The following ARHGAP32 variants were observed in gnomAD, a reference collection of about 807,000 sequenced individuals.
ARHGAP32 encodes rho GTPase-activating protein 32.
Under a neutral mutation model 186.5 loss-of-function variants are expected in ARHGAP32, and 51 were observed. That is an observed-to-expected ratio of 0.27 (90% CI 0.22 to 0.35). ARHGAP32 has a LOEUF of 0.35. Ranked by LOEUF, ARHGAP32 falls within the 10% of genes least tolerant of loss-of-function variation. ARHGAP32 has a pLI of 1.00. For missense variants in ARHGAP32, 2,186 were observed against 2,623.5 expected, an observed-to-expected ratio of 0.83 and a Z score of 3.64; for synonymous variants, 950 against 964.3, an observed-to-expected ratio of 0.99 and a Z score of 0.27.
intron 1 of ARHGAP32, among the ~76,000 whole-genome samples, chr11:129,187,389 G>A (rs1277596780): frequency 6.6e-6 from 1 of 151,314 alleles, no homozygotes; most frequent in Non-Finnish European, 1.5e-5. Context: ...GGGGCATAGT[G>A]GGAGGCTGGT....
At chr11:129,084,675 C>T (rs1941325773) in intron 6 of ARHGAP32, among the ~76,000 whole-genome samples, 2 of 152,080 alleles carry the variant, frequency 1.3e-5, no homozygotes, top group Non-Finnish European at 2.9e-5. Context: ...GAAAGAGCAT[C>T]TACAAAAAAC....
chr11:129,211,540 C>T (rs541925760), intron 1 of ARHGAP32, among the ~76,000 whole-genome samples: 1 of 152,198 alleles, frequency 6.6e-6, no homozygotes, highest in South Asian at 2.1e-4. Flanking sequence ...TCTATGCAAG[C>T]CGAAAGTCAG....
At chr11:129,078,652 G>A (rs754389053) in intron 6 of ARHGAP32, among the ~76,000 whole-genome samples, 4 of 151,870 alleles carry the variant, frequency 2.6e-5, no homozygotes, top group Admixed American at 6.6e-5. Context: ...ACCACCACGC[G>A]TGGCTAACTT....
At chr11:129,164,620 C>T (rs988655922) in intron 1 of ARHGAP32, among the ~76,000 whole-genome samples, 193 bp from the exon 2 acceptor site, 2 of 152,142 alleles carry the variant, frequency 1.3e-5, no homozygotes, top group African/African-American at 4.8e-5. Context: ...CAAACACCTG[C>T]TTTTATTCCA....
Position 128,976,613 on chromosome 11 carries a change from A to AGG in ARHGAP32, c.2142_2143dup (p.Leu715ProfsTer84). 1 of 1,613,992 alleles carries AGG rather than the reference A, an allele frequency of 6.2e-7. No individual in the cohort carries two copies. The highest frequency in any genetic ancestry group is 8.5e-7 in the Non-Finnish European group (1 of 1,179,902). On this transcript the variant is annotated frameshift_variant, in exon 20 of 23. Transcript: ENST00000682385. LOFTEE classifies it high-confidence loss of function. Reference sequence around the variant, plus strand: ...AGACTCCTCACTTTTAGCTGAACGGAGGGTTCCTTCTGCCCTGCCACCTGA... The same window carrying AGG: ...AGACTCCTCACTTTTAGCTGAACGGAGGGGGTTCCTTCTGCCCTGCCACCTGA...
At chr11:128,986,397 T>C (rs1945873452) in intron 14 of ARHGAP32, 127 bp downstream of exon 14, 3 of 1,041,960 alleles carry the variant, frequency 2.9e-6, no homozygotes, top group South Asian at 3.3e-5. Context: ...CAATATTTGT[T>C]TTTTTAAGGA....
At chr11:129,179,032 G>T (rs529763523) in intron 1 of ARHGAP32, among the ~76,000 whole-genome samples, 2 of 151,438 alleles carry the variant, frequency 1.3e-5, no homozygotes, top group East Asian at 3.9e-4. Context: ...GAAAATTTTT[G>T]CAACCTACTC....
At position 128,981,432 on chromosome 11, in the gene ARHGAP32, G is replaced by A. The variant is rs1232072893; in HGVS notation, c.1764C>T (p.Ala588=). Residue 588 remains alanine, a synonymous_variant, in exon 17 of 23, where the codon GCC becomes GCT. Transcript: ENST00000682385. The stretch of plus-strand genomic sequence containing the variant: ...GAGCCGTACCTGCCCCCTCTTGCAT[G>A]GCCATGCTGATTCTGCCGCTGAACA... The part of the protein sequence containing the change: ...DVLFSGRISM[A]MQEGAASLSR... 6.2e-7 allele frequency: 1 copy of A among 1,606,772 alleles called. No individual in the cohort carries two copies. The highest frequency in any genetic ancestry group is 1.3e-5 in the African/African-American group (1 of 74,906).
chr11:129,006,744 T>C (rs1405637898), intron 11 of ARHGAP32, among the ~76,000 whole-genome samples: 1 of 152,150 alleles, frequency 6.6e-6, no homozygotes, highest in Non-Finnish European at 1.5e-5. Context: ...CTGCCTGTGT[T>C]TGTTCAAGGA....
intron 19 of ARHGAP32, among the ~76,000 whole-genome samples, chr11:128,977,851 TTTATTATTATTATTATTA>T (rs58982581): frequency 1.3e-4 from 18 of 138,964 alleles, no homozygotes; most frequent in East Asian, 8.4e-4. Context: ...TTATTTGCAA[TTTATTATTATTATTATTA>T]TTATTATTAT....
chr11:129,087,965 A>T (rs1433821460), intron 6 of ARHGAP32, among the ~76,000 whole-genome samples: 1 of 152,232 alleles, frequency 6.6e-6, no homozygotes, highest in Admixed American at 6.5e-5. Context: ...TTACTCAAAA[A>T]AATAAGTGTC....
At chr11:129,085,824 G>A (rs886345287) in intron 6 of ARHGAP32, among the ~76,000 whole-genome samples, 4 of 151,374 alleles carry the variant, frequency 2.6e-5, no homozygotes, top group African/African-American at 9.7e-5. Flanking sequence ...AAACCCTGTC[G>A]CTACTAAAAA....
chr11:129,270,766 A>G (rs1299774395), intron 1 of ARHGAP32, among the ~76,000 whole-genome samples: 1 of 152,142 alleles, frequency 6.6e-6, no homozygotes. Context: ...ACTGTGGCTC[A>G]GTGAACAAAG....
chr11:129,088,487 G>A (rs1371760176), intron 6 of ARHGAP32, among the ~76,000 whole-genome samples: 2 of 152,072 alleles, frequency 1.3e-5, no homozygotes, highest in African/African-American at 2.4e-5. Flanking sequence ...GGCTGAGGCA[G>A]GAGAATCACT....
In ARHGAP32 at chr11:128,969,691, A is replaced by T. The variant is rs1222449023; in HGVS notation, c.5522T>A (p.Phe1841Tyr). 6.2e-7 allele frequency: 1 copy of T among 1,614,012 alleles called. No homozygotes were observed. The highest frequency in any genetic ancestry group is 1.7e-5 in the Admixed American group (1 of 60,004). Residue 1841 changes from phenylalanine (F) to tyrosine (Y), a missense_variant, in exon 23 of 23, where the codon TTC becomes TAC. Phe to Tyr is a conservative substitution (Grantham distance 22). Coordinates refer to ENST00000682385, the MANE Select transcript of ARHGAP32 (RefSeq NM_001378024.1). This position sits in a 1 kb window ranked among gnomAD's most constrained non-coding sequence, Gnocchi z 4.8. ...CTCTGCCTCGGGATGCCTCCTATAG[A>T]AGCGGTCCTCTCCCTCGGGACTGAT... ...KAISPEGEDR[F>Y]YRRHPEAEMD...
At chr11:129,029,801 C>CAACAAA (rs1555075661) in intron 11 of ARHGAP32, among the ~76,000 whole-genome samples, 1 of 46,950 alleles carries the variant, frequency 2.1e-5, no homozygotes, top group Non-Finnish European at 3.3e-5. Flanking sequence ...GACTCCGTCT[C>CAACAAA]AAAAAAAAAA....
intron 2 of ARHGAP32, among the ~76,000 whole-genome samples, chr11:129,136,362 T>A (rs575102186): frequency 6.6e-6 from 1 of 152,228 alleles, no homozygotes; most frequent in South Asian, 2.1e-4. Context: ...GACTGAGAGG[T>A]ACTCAAGAGA....
intron 1 of ARHGAP32, among the ~76,000 whole-genome samples, chr11:129,275,153 T>C (rs1293735103): frequency 6.6e-6 from 1 of 152,166 alleles, no homozygotes; most frequent in Non-Finnish European, 1.5e-5. Context: ...AGGAGAAAAT[T>C]CTATAGCAAA....
chr11:129,183,076 T>C (rs1169184398), intron 1 of ARHGAP32, among the ~76,000 whole-genome samples: 1 of 152,170 alleles, frequency 6.6e-6, no homozygotes, highest in African/African-American at 2.4e-5. Context: ...TCCAAAACTA[T>C]TTACTGAATA....
Sources: allele counts gnomAD v4.1 joint callset (sites outside exome capture counted in the v4.1 genomes callset), GRCh38; gene constraint gnomAD v4.1.1; non-coding constraint Gnocchi (gnomAD v3.1); transcripts MANE v1.5; gene names NCBI Gene and HGNC (gene_info 2026-07-23, HGNC 2026-07-21).